Variants in FAAH observed in about 807,000 individuals in gnomAD.
The protein encoded by FAAH is fatty-acid amide hydrolase 1.
In FAAH, 63 loss-of-function variants were observed where a neutral mutation model predicts 69.7. The observed-to-expected ratio is 0.90, with a 90% CI of 0.74 to 1.12. FAAH has a LOEUF of 1.12. Ranked by LOEUF, FAAH falls within the 50% of genes most tolerant of loss-of-function variation. FAAH has a pLI of 0.00. For missense variants in FAAH, 680 were observed against 755.0 expected (o/e 0.90, Z 1.16); for synonymous variants, 305 against 324.2 (o/e 0.94, Z 0.64).
rs772896150 is a variant in FAAH, at chr1:46,404,348, A to G, written c.310-666A>G. On this transcript the variant is annotated intron_variant, in intron 2 of 14. Coordinates refer to ENST00000243167, the MANE Select transcript of FAAH (RefSeq NM_001441.3). This position sits in a 1 kb window ranked among gnomAD's most constrained non-coding sequence, Gnocchi z 4.5. ...AGCAGGAATATTTACTGAAAGCTGC[A>G]TCTCACTCTGCCCTCACCTTTCCTT... Among the ~76,000 whole-genome samples, 7 of 152,202 alleles carry G rather than the reference A, an allele frequency of 4.6e-5. No individual in the cohort carries two copies. The highest frequency in any genetic ancestry group is 9.7e-5 in the African/African-American group (4 of 41,446).
In FAAH at chr1:46,405,593, A is replaced by T. The variant is rs1181692716; in HGVS notation, c.584A>T (p.Asp195Val). Residue 195 changes from aspartate to valine, a missense_variant, in exon 5 of 15, where the codon GAC (aspartate) becomes GTC (valine). Asp to Val is a radical substitution (Grantham distance 152, BLOSUM62 -3). Transcript: ENST00000243167. The surrounding 1 kb of genome is among the most constrained non-coding windows in gnomAD (Gnocchi z 4.1). ...TNVPQSMFSY[D>V]CSNPLFGQTV... ...CCCATTCTTGGCTCCTCCAGCTATG[A>T]CTGCAGTAACCCCCTCTTTGGCCAG... 7 of 1,613,444 alleles carry T rather than the reference A, an allele frequency of 4.3e-6. No individual in the cohort carries two copies. The highest frequency in any genetic ancestry group is 1.7e-5 in the Admixed American group (1 of 60,030).
chr1:46,405,201 C>A lies in FAAH; in HGVS notation c.444+53C>A, dbSNP rs887241450. On this transcript the variant is annotated intron_variant, in intron 3 of 14. Transcript: ENST00000243167. This position sits in a 1 kb window ranked among gnomAD's most constrained non-coding sequence, Gnocchi z 4.1. ...CATCGTCCCCTCCATCCCTGCCAGC[C>A]TGCTCTGCATCTTGGGTCATTTTGG... 24 of 1,613,246 alleles carry A rather than the reference C, an allele frequency of 1.5e-5. No individual in the cohort carries two copies. The Admixed American group carries it at 1.8e-4, about 12-fold the overall frequency.
chr1:46,408,367 G>A lies in FAAH; in HGVS notation c.952-92G>A. ...TCGCTGACTGCAGCCTCGCAGCTGT[G>A]TCTGGGGCTGAGTAGTTTCTCTGAT... is the stretch of plus-strand genomic sequence containing the variant. On this transcript the variant is annotated intron_variant, in intron 7 of 14. Transcript: ENST00000243167. 1.9e-6 allele frequency: 3 copies of A among 1,571,264 alleles called. No individual in the cohort carries two copies. In the East Asian group the frequency reaches 6.7e-5, roughly 35 times the overall value.
rs1664884854 is a variant in FAAH, at chr1:46,410,154, T to C, written c.1176-244T>C. 1.9e-6 allele frequency: 1 copy of C among 519,756 alleles called. No homozygotes were observed. The highest frequency in any genetic ancestry group is 3.2e-5 in the Admixed American group (1 of 31,296). 32.2% of individuals were successfully genotyped at this position (519,756 alleles called of 1,614,324 possible). ...GCCCTCAGTTCTTAGAGCTCTGAGC[T>C]GGGTTTGCTGGAGAGGGATACCCTG... On this transcript the variant is annotated intron_variant, in intron 9 of 14. Coordinates refer to ENST00000243167, the MANE Select transcript of FAAH (RefSeq NM_001441.3). This position sits in a 1 kb window ranked among gnomAD's most constrained non-coding sequence, Gnocchi z 4.9.
chr1:46,405,049 C>A lies in FAAH; in HGVS notation c.345C>A (p.Thr115=). The change falls in exon 3 of 15, where the codon ACC becomes ACA. Residue 115 remains threonine, a synonymous_variant. Coordinates refer to ENST00000243167, the MANE Select transcript of FAAH (RefSeq NM_001441.3). This position sits in a 1 kb window ranked among gnomAD's most constrained non-coding sequence, Gnocchi z 4.1. Reference sequence around the variant, plus strand: ...TGAACAAAGGGACCAACTGTGTGACCTCCTATCTGGCTGACTGTGAGACTC... The same window carrying A: ...TGAACAAAGGGACCAACTGTGTGACATCCTATCTGGCTGACTGTGAGACTC... ...WEVNKGTNCV[T]SYLADCETQL... is the part of the protein sequence containing the mutation. 1 of 1,614,102 alleles carries A rather than the reference C, an allele frequency of 6.2e-7. No individual in the cohort carries two copies. The highest frequency in any genetic ancestry group is 8.5e-7 in the Non-Finnish European group (1 of 1,180,032).
In FAAH at chr1:46,413,221, G is replaced by C; in HGVS notation, c.1611+1G>C. 6.2e-7 allele frequency: 1 copy of C among 1,614,148 alleles called. No individual in the cohort carries two copies. Among genetic ancestry groups the C allele is most frequent in the Non-Finnish European group, 8.5e-7 (1 of 1,180,016 alleles). On this transcript the variant is annotated splice_donor_variant, in intron 14 of 14. Transcript: ENST00000243167. LOFTEE classifies it high-confidence loss of function. ...TATCTGGGACAAGATGCTGCAGAAGGTGAGGACTGACCTGCCCCTCAACTG... is the reference window on the plus strand; with the variant it reads ...TATCTGGGACAAGATGCTGCAGAAGCTGAGGACTGACCTGCCCCTCAACTG...
chr1:46,411,480 TC>T lies in FAAH; in HGVS notation c.1317-131del. The T allele has an allele frequency of 2.0e-6, 2 of 992,626 alleles. No homozygotes were observed. The highest frequency in any genetic ancestry group is 3.1e-6 in the Non-Finnish European group (2 of 636,832). The allele number at this position is 992,626 out of a possible 1,614,324, so 61.5% of individuals were successfully genotyped here. ...CAGACAGTAGGGGTTTGAACTTCCC[TC>T]TCAGAGCTCCCATGGGGTTGTGAAG... On this transcript the variant is annotated intron_variant, in intron 11 of 14. Coordinates refer to ENST00000243167, the MANE Select transcript of FAAH (RefSeq NM_001441.3). This position sits in a 1 kb window ranked among gnomAD's most constrained non-coding sequence, Gnocchi z 4.8.
At chr1:46,403,362 G>A (rs1461118946) in intron 2 of FAAH, among the ~76,000 whole-genome samples, 1 of 152,202 alleles carries the variant, frequency 6.6e-6, no homozygotes, top group Non-Finnish European at 1.5e-5. Context: ...CTCTGAAAGT[G>A]CTGGGATTAC....
Position 46,394,369 on chromosome 1 carries a change from G to C in FAAH, c.21G>C (p.Trp7Cys), listed in dbSNP as rs1664557227. MVQYEL[W>C]AALPGASGVA... is the part of the protein sequence containing the mutation. ...GGATCATGGTGCAGTACGAGCTGTG[G>C]GCCGCGCTGCCTGGCGCCTCCGGGG... The change falls in exon 1 of 15, where the codon TGG becomes TGC. Residue 7 changes from tryptophan (W) to cysteine (C), a missense_variant. Physicochemically the swap from Trp to Cys is radical, Grantham distance 215. Coordinates refer to ENST00000243167, the MANE Select transcript of FAAH (RefSeq NM_001441.3). 1 of 1,549,126 alleles carries C rather than the reference G, an allele frequency of 6.5e-7. No individual in the cohort carries two copies. The highest frequency in any genetic ancestry group is 8.7e-7 in the Non-Finnish European group (1 of 1,152,730).
Position 46,413,643 on chromosome 1 carries a change from CCTG to C in FAAH, c.*73_*75del, listed in dbSNP as rs1315591349. The C allele has an allele frequency of 5.6e-6, 9 of 1,608,000 alleles. No homozygotes were observed. The Admixed American group carries it at 8.3e-5, about 15-fold the overall frequency. On this transcript the variant is annotated 3_prime_UTR_variant, in exon 15 of 15. Coordinates refer to ENST00000243167, the MANE Select transcript of FAAH (RefSeq NM_001441.3). Reference sequence around the variant, plus strand: ...CCCAGCCTAGTCAGGGCACAGCTGCCCTGCTGCCACAGCAAGGAAATGTCCTGC... The same window carrying C: ...CCCAGCCTAGTCAGGGCACAGCTGCCCTGCCACAGCAAGGAAATGTCCTGC...
Position 46,405,962 on chromosome 1 carries a change from C to A in FAAH, c.786-76C>A. 1 of 1,613,348 alleles carries A rather than the reference C, an allele frequency of 6.2e-7. No individual in the cohort carries two copies. The highest frequency in any genetic ancestry group is 8.5e-7 in the Non-Finnish European group (1 of 1,179,894). On this transcript the variant is annotated intron_variant, in intron 5 of 14. Coordinates refer to ENST00000243167, the MANE Select transcript of FAAH (RefSeq NM_001441.3). The surrounding 1 kb of genome is among the most constrained non-coding windows in gnomAD (Gnocchi z 4.1). The stretch of plus-strand genomic sequence containing the variant: ...CCTAGTTTCCAAAGCGGTGAGTGTT[C>A]AGAGCTGCTCTGTGGGTGTGGGGAT...
intron 1 of FAAH, among the ~76,000 whole-genome samples, chr1:46,400,004 G>A (rs1664667881): frequency 6.6e-6 from 1 of 152,156 alleles, no homozygotes; most frequent in African/African-American, 2.4e-5. Context: ...TATCTAGTGT[G>A]TTTGGGGAGA....
At chr1:46,407,197 C>T (rs1478649284) in intron 7 of FAAH, among the ~76,000 whole-genome samples, 2 of 152,074 alleles carry the variant, frequency 1.3e-5, no homozygotes, top group South Asian at 2.1e-4. Flanking sequence ...CTTTCTGTGG[C>T]GAGGCAGCAC....
At chr1:46,401,426 A>G (rs888112465) in intron 1 of FAAH, among the ~76,000 whole-genome samples, 2 of 152,128 alleles carry the variant, frequency 1.3e-5, no homozygotes, top group African/African-American at 4.8e-5. Flanking sequence ...AATTCCGGAC[A>G]CAGAATGAAT....
chr1:46,406,416 G>A (rs780101964), intron 7 of FAAH, 48 bp downstream of exon 7: 1 of 1,612,156 alleles, frequency 6.2e-7, no homozygotes, highest in East Asian at 2.2e-5. Flanking sequence ...AACCCAGACA[G>A]CCACCCCAGG....
intron 8 of FAAH, 137 bp from the exon 9 acceptor site, chr1:46,408,964 G>A (rs919453725): frequency 1.3e-6 from 1 of 753,980 alleles, no homozygotes; most frequent in Non-Finnish European, 2.4e-6. Context: ...GGGTCAGTAA[G>A]GCTGCCTTTG....
In FAAH at chr1:46,411,241, G is replaced by T. The variant is rs77469497; in HGVS notation, c.1317-371G>T. Among the ~76,000 whole-genome samples the T allele has an allele frequency of 2.0e-3, 299 of 152,346 alleles. 5 individuals carry two copies. The Middle Eastern group carries it at 0.037, about 19-fold the overall frequency. The stretch of plus-strand genomic sequence containing the variant: ...AGGCCCTACTTGCCCCTTAGTGGCT[G>T]GGGCTGGAAAAGCAGGGCGTAAACC... On this transcript the variant is annotated intron_variant, in intron 11 of 14. Transcript: ENST00000243167. This position sits in a 1 kb window ranked among gnomAD's most constrained non-coding sequence, Gnocchi z 4.8.
chr1:46,397,966 C>T (rs1377436982), intron 1 of FAAH, among the ~76,000 whole-genome samples: 1 of 141,328 alleles, frequency 7.1e-6, no homozygotes, highest in Non-Finnish European at 1.5e-5. Flanking sequence ...TGAAGTCTCA[C>T]TTTGTTGCCC....
At chr1:46,409,705 G>T (rs964824980) in intron 9 of FAAH, among the ~76,000 whole-genome samples, 1 of 152,132 alleles carries the variant, frequency 6.6e-6, no homozygotes, top group Non-Finnish European at 1.5e-5. Context: ...AGTCATTAAA[G>T]GTGTCAGGGG....
Sources: gnomAD v4.1 joint callset for allele counts (sites outside exome capture counted in the v4.1 genomes callset) on GRCh38, gnomAD v4.1.1 for gene constraint, Gnocchi (gnomAD v3.1) non-coding constraint, MANE v1.5 for transcripts, NCBI Gene and HGNC (gene_info 2026-07-23, HGNC 2026-07-21) for gene names.